ABCC6: variants seen among roughly 807,000 people sequenced by gnomAD.
The protein encoded by ABCC6 is ATP-binding cassette sub-family C member 6.
Under a neutral mutation model 169.5 loss-of-function variants are expected in ABCC6, and 126 were observed. The observed-to-expected ratio is 0.74, with a 90% CI of 0.64 to 0.86. The LOEUF is 0.86. Ranked by LOEUF, ABCC6 falls within the 40% of genes least tolerant of loss-of-function variation. ABCC6 has a pLI of 0.00. For missense variants in ABCC6, 1,733 were observed against 1,927.2 expected, an observed-to-expected ratio of 0.90 and a Z score of 1.89; for synonymous variants, 752 against 814.7, an observed-to-expected ratio of 0.92 and a Z score of 1.31.
intron 26 of ABCC6, among the ~76,000 whole-genome samples, chr16:16,158,960 GCTATTACGTTA>G (rs1463456890): frequency 6.6e-5 from 10 of 151,828 alleles, no homozygotes; most frequent in African/African-American, 2.4e-4. Context: ...CTAAAATGTT[GCTATTACGTTA>G]CTATTACATT....
chr16:16,208,838 C>T lies in ABCC6; in HGVS notation c.684G>A (p.Arg228=), dbSNP rs1220436006. ...AGAGGTCTTTTGGTCTCAGTGGCCT[C>T]CTGTATCCCCTCCAGACCAGGCTGC... ...WVSGLVWRGY[R]RPLRPKDLWS... is the part of the protein sequence containing the mutation. The change falls in exon 7 of 31, where the codon AGG becomes AGA. Residue 228 remains arginine, a synonymous_variant. Coordinates refer to ENST00000205557, the MANE Select transcript of ABCC6 (RefSeq NM_001171.6). 2 of 1,613,462 alleles carry T rather than the reference C, an allele frequency of 1.2e-6. No homozygotes were observed. The highest frequency in any genetic ancestry group is 8.5e-7 in the Non-Finnish European group (1 of 1,179,756).
At chr16:16,176,028 T>C (rs1362551065) in intron 19 of ABCC6, 42 bp from the exon 20 acceptor site, 1 of 1,595,420 alleles carries the variant, frequency 6.3e-7, no homozygotes, top group African/African-American at 1.3e-5. Context: ...ACGGCCCAGA[T>C]ACCCACTTTG....
chr16:16,159,972 A>G (rs1484802684), intron 25 of ABCC6, among the ~76,000 whole-genome samples: 1 of 151,896 alleles, frequency 6.6e-6, no homozygotes, highest in Non-Finnish European at 1.5e-5. Context: ...TTCCCATGAC[A>G]CTTAGAACCA....
At chr16:16,208,342 T>TTTTTTG (rs531089267) in intron 7 of ABCC6, among the ~76,000 whole-genome samples, 6 of 151,372 alleles carry the variant, frequency 4.0e-5, no homozygotes, top group Non-Finnish European at 5.9e-5. Context: ...ATGATGAGGT[T>TTTTTTG]TTTTTGTTTT....
At chr16:16,171,861 GTGGGAGGGATGGATAAATGAGTA>G (rs2047087197) in intron 21 of ABCC6, among the ~76,000 whole-genome samples, 1 of 140,844 alleles carries the variant, frequency 7.1e-6, no homozygotes, top group South Asian at 2.4e-4. Flanking sequence ...AAATGAGTTG[GTGGGAGGGATGGATAAATGAGTA>G]GGTGGGATGG....
chr16:16,151,991 G>A (rs1294899144), intron 29 of ABCC6, among the ~76,000 whole-genome samples: 1 of 151,870 alleles, frequency 6.6e-6, no homozygotes, highest in African/African-American at 2.4e-5. Flanking sequence ...AGGAGATCGA[G>A]ACCATCCTGG....
In ABCC6 at chr16:16,173,438, A is replaced by G. The variant is rs763261156; in HGVS notation, c.2667-34T>C. The G allele has an allele frequency of 9.3e-6, 15 of 1,613,820 alleles. No individual in the cohort carries two copies. The African/African-American group carries it at 1.6e-4, about 17-fold the overall frequency. On this transcript the variant is annotated intron_variant, in intron 20 of 30. Coordinates refer to ENST00000205557, the MANE Select transcript of ABCC6 (RefSeq NM_001171.6). ...TAGAGGAAATGAAGACAAAGTCAGT[A>G]TCTCTCCCAATGGTGGGGTGTATGT...
At chr16:16,207,269 C>T (rs1434604113) in intron 7 of ABCC6, among the ~76,000 whole-genome samples, 1 of 152,230 alleles carries the variant, frequency 6.6e-6, no homozygotes, top group Non-Finnish European at 1.5e-5. Context: ...TGGCACCAGC[C>T]CCCTGGGCAT....
chr16:16,169,582 G>C (rs1433095319), intron 22 of ABCC6, 64 bp downstream of exon 22: 4 of 1,578,116 alleles, frequency 2.5e-6, no homozygotes, highest in East Asian at 4.6e-5. Context: ...GTGGGGTAAA[G>C]GAGTCCTGAG....
intron 23 of ABCC6, among the ~76,000 whole-genome samples, chr16:16,165,377 C>T (rs1396312524): frequency 1.3e-5 from 2 of 152,170 alleles, no homozygotes; most frequent in African/African-American, 2.4e-5. Flanking sequence ...TCACCTATTG[C>T]ACTTCAGCCT....
At chr16:16,180,645 C>T (rs2047437556) in intron 17 of ABCC6, among the ~76,000 whole-genome samples, 1 of 152,052 alleles carries the variant, frequency 6.6e-6, no homozygotes, top group Non-Finnish European at 1.5e-5. Flanking sequence ...GGTACGCCAC[C>T]ATGCCTGGCT....
Position 16,202,139 on chromosome 16 carries a change from G to A in ABCC6, c.1038C>T (p.Ala346=), listed in dbSNP as rs764622792. ...GCACGGCGAGGAGGTAGCCCTTCCA[G>A]GCTGGAGGCTTGGGATCACCAATAA... ...LEFIGDPKPP[A]WKGYLLAVLM... is the part of the protein sequence containing the mutation. The change falls in exon 9 of 31, where the codon GCC becomes GCT. Residue 346 remains alanine, a synonymous_variant. Transcript: ENST00000205557. The A allele has an allele frequency of 3.7e-6, 6 of 1,613,882 alleles. No individual in the cohort carries two copies. In the East Asian group the frequency reaches 1.3e-4, roughly 36 times the overall value.
chr16:16,221,706 G>T lies in ABCC6; in HGVS notation c.162C>A (p.Phe54Leu), dbSNP rs374115365. The T allele has an allele frequency of 6.2e-7, 1 of 1,613,914 alleles. No homozygotes were observed. The highest frequency in any genetic ancestry group is 8.5e-7 in the Non-Finnish European group (1 of 1,179,842). ...GGTAGCCCCGGCCATGGTGGTGGAT[G>T]AAGAGGAGGTAGATGGGACCAAGGA... The part of the protein sequence containing the change: ...LWVLGPIYLL[F>L]IHHHGRGYLR... The change falls in exon 2 of 31, where the codon TTC (phenylalanine) becomes TTA (leucine). Residue 54 changes from phenylalanine (F) to leucine (L), a missense_variant. By Grantham distance (22) the Phe-to-Leu change is conservative (BLOSUM62 0). Transcript: ENST00000205557.
intron 11 of ABCC6, among the ~76,000 whole-genome samples, chr16:16,190,634 T>C (rs921611007): frequency 3.9e-4 from 58 of 150,608 alleles, no homozygotes; most frequent in Middle Eastern, 3.6e-3. Context: ...CCCACCTGGG[T>C]ATGACACCAT....
chr16:16,188,736 C>G, intron 13 of ABCC6, 95 bp downstream of exon 13: 1 of 1,492,960 alleles, frequency 6.7e-7, no homozygotes, highest in Non-Finnish European at 9.1e-7. Context: ...ACTCTGTCTT[C>G]CCTCTCCTCT....
intron 21 of ABCC6, among the ~76,000 whole-genome samples, chr16:16,172,259 T>A (rs891323176): frequency 5.4e-5 from 5 of 91,750 alleles, no homozygotes; most frequent in Non-Finnish European, 4.4e-5. Flanking sequence ...AATGGGTGGG[T>A]GGGATGGATA....
At chr16:16,211,772 GGCTTA>G (rs2048630868) in intron 6 of ABCC6, among the ~76,000 whole-genome samples, 1 of 152,004 alleles carries the variant, frequency 6.6e-6, no homozygotes, top group Non-Finnish European at 1.5e-5. Flanking sequence ...TCACCCCTGG[GGCTTA>G]GCACATAGTA....
chr16:16,150,436 G>A, intron 30 of ABCC6, 142 bp downstream of exon 30: 3 of 1,496,760 alleles, frequency 2.0e-6, no homozygotes, highest in Admixed American at 2.1e-5. Flanking sequence ...CTTGGCATGT[G>A]TTCCCGGGCA....
chr16:16,171,905 G>GGGTGGGTGGGTGGGATGGAT (rs1567488135), intron 21 of ABCC6, among the ~76,000 whole-genome samples: 25 of 19,132 alleles, frequency 1.3e-3, no homozygotes, highest in African/African-American at 4.9e-3. Context: ...ATGGATAAAT[G>GGGTGGGTGGGTGGGATGGAT]AATGGGTGGG....
Sources: gnomAD v4.1 joint callset for allele counts (sites outside exome capture counted in the v4.1 genomes callset) on GRCh38, gnomAD v4.1.1 for gene constraint, MANE v1.5 for transcripts, NCBI Gene and HGNC (gene_info 2026-07-23, HGNC 2026-07-21) for gene names.